EEPD1: variants seen among roughly 807,000 people sequenced by gnomAD.
EEPD1 encodes endonuclease/exonuclease/phosphatase family domain containing 1.
EEPD1 carries 17 observed loss-of-function variants against 46.3 expected under a neutral mutation model. The observed-to-expected ratio is 0.37, with a 90% CI of 0.25 to 0.55. EEPD1 has a LOEUF of 0.55. Ranked by LOEUF, EEPD1 falls within the 20% of genes least tolerant of loss-of-function variation. The probability of loss-of-function intolerance (pLI) is 0.83; values close to 1 mark genes in which losing one functional copy is unlikely to be tolerated. For synonymous variants in EEPD1, 313 were observed against 315.6 expected (o/e 0.99, Z 0.09); for missense variants, 673 against 745.6 (o/e 0.90, Z 1.13).
intron 2 of EEPD1, among the ~76,000 whole-genome samples, chr7:36,224,627 A>T (rs1289668134): frequency 1.3e-5 from 2 of 152,212 alleles, no homozygotes; most frequent in African/African-American, 4.8e-5. Context: ...TAAAACGTGA[A>T]GAAAGGATAT....
chr7:36,213,118 A>G (rs1159029079), intron 2 of EEPD1, among the ~76,000 whole-genome samples: 1 of 152,170 alleles, frequency 6.6e-6, no homozygotes, highest in Non-Finnish European at 1.5e-5. Flanking sequence ...GTACCACTGC[A>G]CTCCAGCATG....
At chr7:36,243,522 A>G (rs1786590277) in intron 3 of EEPD1, among the ~76,000 whole-genome samples, 1 of 152,158 alleles carries the variant, frequency 6.6e-6, no homozygotes, top group African/African-American at 2.4e-5. Context: ...TCAAATGACA[A>G]CCGGCCTTTG....
chr7:36,245,686 TTTC>T (rs1242880057), intron 3 of EEPD1, among the ~76,000 whole-genome samples: 1 of 152,234 alleles, frequency 6.6e-6, no homozygotes, highest in Non-Finnish European at 1.5e-5. Context: ...CTTCAACCAA[TTTC>T]TTCTTTTGAA....
At chr7:36,208,215 T>C (rs1583809676) in intron 2 of EEPD1, among the ~76,000 whole-genome samples, 1 of 151,962 alleles carries the variant, frequency 6.6e-6, no homozygotes, top group Admixed American at 6.6e-5. Flanking sequence ...GGGGGTGGGG[T>C]AGGCAGGCTT....
chr7:36,285,212 A>G (rs1218598503), intron 5 of EEPD1, among the ~76,000 whole-genome samples: 1 of 152,204 alleles, frequency 6.6e-6, no homozygotes, highest in African/African-American at 2.4e-5. Context: ...AAGCCCCTTC[A>G]GTGATCCTTC....
intron 3 of EEPD1, among the ~76,000 whole-genome samples, chr7:36,254,171 G>A (rs1291363142): frequency 6.6e-6 from 1 of 152,120 alleles, no homozygotes; most frequent in African/African-American, 2.4e-5. Context: ...AGGTACGTGT[G>A]CAGAACAAGC....
intron 2 of EEPD1, among the ~76,000 whole-genome samples, chr7:36,197,246 G>A (rs1785617973): frequency 2.0e-5 from 3 of 148,528 alleles, no homozygotes; most frequent in Admixed American, 2.0e-4. Flanking sequence ...GAGGTGGGGG[G>A]GTCAGGCCCC....
chr7:36,287,003 A>C (rs528165081), intron 5 of EEPD1, among the ~76,000 whole-genome samples: 2 of 152,178 alleles, frequency 1.3e-5, no homozygotes, highest in East Asian at 3.9e-4. Flanking sequence ...CAGGAGGATC[A>C]CTTGAGGGCA....
intron 6 of EEPD1, among the ~76,000 whole-genome samples, chr7:36,291,413 C>T (rs1787429089): frequency 1.3e-5 from 2 of 152,168 alleles, no homozygotes; most frequent in African/African-American, 4.8e-5. Context: ...GACAAACCTT[C>T]CCACCTCTGG....
intron 2 of EEPD1, among the ~76,000 whole-genome samples, chr7:36,206,954 CAGA>C (rs1183559323): frequency 1.3e-5 from 2 of 152,168 alleles, no homozygotes; most frequent in Non-Finnish European, 2.9e-5. Flanking sequence ...GAGGCTGAGG[CAGA>C]AGAATTGCTT....
At chr7:36,269,909 G>C (rs1583472964) in intron 3 of EEPD1, among the ~76,000 whole-genome samples, 1 of 152,208 alleles carries the variant, frequency 6.6e-6, no homozygotes, top group East Asian at 1.9e-4. Context: ...TACCTTGCTA[G>C]GTGATTTTAG....
chr7:36,206,177 G>A (rs1018810083), intron 2 of EEPD1, among the ~76,000 whole-genome samples: 1 of 152,138 alleles, frequency 6.6e-6, no homozygotes, highest in Non-Finnish European at 1.5e-5. Flanking sequence ...GGATTTTATC[G>A]TAATAATCCC....
At chr7:36,157,525 C>T (rs1784844538) in intron 2 of EEPD1, among the ~76,000 whole-genome samples, 2 of 152,314 alleles carry the variant, frequency 1.3e-5, no homozygotes, top group South Asian at 4.1e-4. Flanking sequence ...AGACATTGAA[C>T]TACTGTCGTC....
chr7:36,227,482 C>T (rs772789107), intron 2 of EEPD1, among the ~76,000 whole-genome samples: 2 of 152,162 alleles, frequency 1.3e-5, no homozygotes, highest in South Asian at 2.1e-4. Context: ...TCCTCCTGGG[C>T]GTGTCCACTG....
At chr7:36,248,045 G>A (rs1438759453) in intron 3 of EEPD1, among the ~76,000 whole-genome samples, 1 of 152,134 alleles carries the variant, frequency 6.6e-6, no homozygotes, top group Non-Finnish European at 1.5e-5. Context: ...AACACACAGG[G>A]TGTGAGGGCT....
chr7:36,191,126 G>T (rs1785453546), intron 2 of EEPD1, among the ~76,000 whole-genome samples: 1 of 152,224 alleles, frequency 6.6e-6, no homozygotes, highest in Non-Finnish European at 1.5e-5. Flanking sequence ...AGGTCATGAA[G>T]TGTGCCCCAT....
At chr7:36,298,153 A>G (rs1787555093) in intron 7 of EEPD1, among the ~76,000 whole-genome samples, 1 of 152,272 alleles carries the variant, frequency 6.6e-6, no homozygotes, top group South Asian at 2.1e-4. Context: ...GACAATTGTC[A>G]AACTAGCCTC....
chr7:36,179,204 C>T (rs1014215622), intron 2 of EEPD1, among the ~76,000 whole-genome samples: 1 of 152,214 alleles, frequency 6.6e-6, no homozygotes, highest in African/African-American at 2.4e-5. Flanking sequence ...ACCAGCCTTT[C>T]CTTTCCCTGA....
At chr7:36,215,374 C>G (rs1420644103) in intron 2 of EEPD1, among the ~76,000 whole-genome samples, 1 of 152,236 alleles carries the variant, frequency 6.6e-6, no homozygotes, top group East Asian at 1.9e-4. Flanking sequence ...GGGGCCCAAC[C>G]TTTTAACTGC....
Sources: gnomAD v4.1 joint callset for allele counts (sites outside exome capture counted in the v4.1 genomes callset) on GRCh38, gnomAD v4.1.1 for gene constraint, MANE v1.5 for transcripts, NCBI Gene and HGNC (gene_info 2026-07-23, HGNC 2026-07-21) for gene names.